TEX22: variants seen among roughly 807,000 people sequenced by gnomAD.
The protein encoded by TEX22 is testis-expressed protein 22.
TEX22 carries 16 observed loss-of-function variants against 11.3 expected under a neutral mutation model. The observed-to-expected ratio is 1.42, with a 90% CI of 0.96 to 2.15. The LOEUF is 2.15. TEX22 is among the 30% of genes most tolerant of loss of function. TEX22 has a pLI of 0.00. For synonymous variants in TEX22, 97 were observed against 92.3 expected, an observed-to-expected ratio of 1.05 and a Z score of -0.29; for missense variants, 220 against 208.6, an observed-to-expected ratio of 1.05 and a Z score of -0.34.
chr14:105,403,354 C>T (rs781527071), intron 2 of TEX22, among the ~76,000 whole-genome samples: 2 of 152,160 alleles, frequency 1.3e-5, no homozygotes, highest in African/African-American at 2.4e-5. Context: ...GTAGGCATTA[C>T]CAAGCTGCTT....
intron 2 of TEX22, 45 bp downstream of exon 2, chr14:105,399,535 G>T (rs1555418150): frequency 2.7e-6 from 4 of 1,484,698 alleles, no homozygotes; most frequent in Non-Finnish European, 3.6e-6. Context: ...CCTGTCCCCA[G>T]CCCGCCTGAG....
At position 105,411,696 on chromosome 14, in the gene TEX22, G is replaced by T. The variant is rs1555419413; in HGVS notation, c.316G>T (p.Asp106Tyr). The T allele has an allele frequency of 6.5e-7, 1 of 1,531,430 alleles. No individual in the cohort carries two copies. Among genetic ancestry groups the T allele is most frequent in the Non-Finnish European group, 8.7e-7 (1 of 1,144,602 alleles). The allele number at this position is 1,531,430 out of a possible 1,614,324, so 94.9% of individuals were successfully genotyped here. ...VQMVAQLVSE[D>Y]VDKDVLLPHP... Reference sequence around the variant, plus strand: ...GATGGTAGCCCAGCTGGTGTCGGAGGACGTGGACAAGGACGTGCTCCTTCC... The same window carrying T: ...GATGGTAGCCCAGCTGGTGTCGGAGTACGTGGACAAGGACGTGCTCCTTCC... The change falls in exon 4 of 4, where the codon GAC (aspartate) becomes TAC (tyrosine). Residue 106 changes from aspartate to tyrosine, a missense_variant. Coordinates refer to ENST00000451127, the MANE Select transcript of TEX22 (RefSeq NM_001195082.2).
intron 2 of TEX22, among the ~76,000 whole-genome samples, chr14:105,405,907 C>T (rs1160652057): frequency 2.6e-5 from 4 of 152,238 alleles, no homozygotes; most frequent in Non-Finnish European, 5.9e-5. Flanking sequence ...GCTCCAACAA[C>T]TAAAACTGTG....
intron 2 of TEX22, among the ~76,000 whole-genome samples, chr14:105,409,775 TTC>T (rs202073273): frequency 6.7e-6 from 1 of 150,100 alleles, no homozygotes; most frequent in African/African-American, 2.5e-5. Context: ...TTCTTTTTCT[TTC>T]TCTCTCTCTT....
chr14:105,411,958 GC>G lies in TEX22; in HGVS notation c.*127del. On this transcript the variant is annotated 3_prime_UTR_variant, in exon 4 of 4. Coordinates refer to ENST00000451127, the MANE Select transcript of TEX22 (RefSeq NM_001195082.2). ...CCACCCACCCATGTTAGGAAAACAG[GC>G]CAGGCAGGACCTGGCTCCGGACAGC... 9.8e-7 allele frequency: 1 copy of G among 1,022,274 alleles called. No homozygotes were observed. Among genetic ancestry groups the G allele is most frequent in the Non-Finnish European group, 1.3e-6 (1 of 746,002 alleles). 63.3% of individuals were successfully genotyped at this position (1,022,274 alleles called of 1,614,324 possible). A position where few individuals can be genotyped will look rare whatever the true frequency, so the allele number is the denominator to read the frequency against.
At chr14:105,410,013 C>T (rs1438828501) in intron 2 of TEX22, among the ~76,000 whole-genome samples, 1 of 152,156 alleles carries the variant, frequency 6.6e-6, no homozygotes, top group Non-Finnish European at 1.5e-5. Flanking sequence ...AAGCGATCCT[C>T]CTGCCTTGGG....
chr14:105,406,008 G>A (rs1320550735), intron 2 of TEX22, among the ~76,000 whole-genome samples: 2 of 152,194 alleles, frequency 1.3e-5, no homozygotes, highest in South Asian at 2.1e-4. Flanking sequence ...TTTAATTTAT[G>A]TTGAGCATGG....
At chr14:105,410,522 C>T (rs2081684018) in intron 2 of TEX22, among the ~76,000 whole-genome samples, 1 of 152,236 alleles carries the variant, frequency 6.6e-6, no homozygotes, top group East Asian at 1.9e-4. Flanking sequence ...GGAGTGCGCA[C>T]ATCTGTTTGC....
At chr14:105,402,723 T>C (rs1407886254) in intron 2 of TEX22, among the ~76,000 whole-genome samples, 1 of 138,888 alleles carries the variant, frequency 7.2e-6, no homozygotes, top group Non-Finnish European at 1.5e-5. Flanking sequence ...GCTACTGCAC[T>C]CCAGCCTGGG....
intron 2 of TEX22, among the ~76,000 whole-genome samples, chr14:105,403,915 C>G (rs1595219682): frequency 6.6e-6 from 1 of 152,230 alleles, no homozygotes; most frequent in Non-Finnish European, 1.5e-5. Flanking sequence ...TAACTCCTGG[C>G]CTTCCTAAGA....
chr14:105,412,490 G>A lies in TEX22; in HGVS notation c.*657G>A, dbSNP rs1159337502. ...GCCAAGAGGGTATCCTGCGCAGGGG[G>A]TCTGAGCAACTGTGAGGAGCTGGCT... On this transcript the variant is annotated 3_prime_UTR_variant, in exon 4 of 4. Coordinates refer to ENST00000451127, the MANE Select transcript of TEX22 (RefSeq NM_001195082.2). The surrounding 1 kb of genome is among the most constrained non-coding windows in gnomAD (Gnocchi z 5.8). 1.3e-5 allele frequency: 2 copies of A among 152,398 alleles called. No individual in the cohort carries two copies. Among genetic ancestry groups the A allele is most frequent in the African/African-American group, 4.8e-5 (2 of 41,424 alleles). 9.4% of individuals were successfully genotyped at this position (152,398 alleles called of 1,614,324 possible).
In TEX22 at chr14:105,400,430, G is replaced by A. The variant is rs587665430; in HGVS notation, c.150+940G>A. The stretch of plus-strand genomic sequence containing the variant: ...GCGAACATCTCATGACAGGCAATCC[G>A]GACTATAAATACACATAGGTCACCT... On this transcript the variant is annotated intron_variant, in intron 2 of 3. Coordinates refer to ENST00000451127, the MANE Select transcript of TEX22 (RefSeq NM_001195082.2). Among the ~76,000 whole-genome samples the A allele has an allele frequency of 1.2e-4, 19 of 152,266 alleles. No individual in the cohort carries two copies. The South Asian group carries it at 2.9e-3, about 23-fold the overall frequency.
Position 105,411,489 on chromosome 14 carries a change from A to C in TEX22, c.272A>C (p.His91Pro), listed in dbSNP as rs978359216. 8.0e-6 allele frequency: 10 copies of C among 1,250,208 alleles called. No individual in the cohort carries two copies. The East Asian group carries it at 1.6e-4, about 20-fold the overall frequency. 77.4% of individuals were successfully genotyped at this position (1,250,208 alleles called of 1,614,324 possible). ...CCGGGCGCCGCCGGGACCCAGCTGC[A>C]CTGCAGGGTGCGCGGGGGGCGGGTC... ...ERPGAAGTQL[H>P]CRDVVQMVAQ... The change falls in exon 3 of 4, where the codon CAC becomes CCC. Residue 91 changes from histidine to proline, a missense_variant. Physicochemically the swap from His to Pro is moderately conservative, Grantham distance 77. Transcript: ENST00000451127.
intron 1 of TEX22, 30 bp from the exon 2 acceptor site, chr14:105,399,268 GCCCC>G: frequency 7.9e-7 from 1 of 1,272,368 alleles, no homozygotes. Context: ...GGCCTTGTGG[GCCCC>G]GCCCCACCTC....
At chr14:105,411,613 T>C in intron 3 of TEX22, 47 bp from the exon 4 acceptor site, 1 of 1,381,908 alleles carries the variant, frequency 7.2e-7, no homozygotes. Context: ...GCCCCGCCGT[T>C]GTCCCCTTCC....
At chr14:105,402,526 G>C (rs112477525) in intron 2 of TEX22, among the ~76,000 whole-genome samples, 1 of 151,762 alleles carries the variant, frequency 6.6e-6, no homozygotes, top group East Asian at 1.9e-4. Flanking sequence ...AGGCTGGGGC[G>C]GGCAGATCAC....
chr14:105,412,842 G>T lies in TEX22; in HGVS notation c.*1009G>T. 6.6e-6 allele frequency: 1 copy of T among 152,330 alleles called. No homozygotes were observed. 9.4% of individuals were successfully genotyped at this position (152,330 alleles called of 1,614,324 possible). On this transcript the variant is annotated 3_prime_UTR_variant, in exon 4 of 4. Transcript: ENST00000451127. The surrounding 1 kb of genome is among the most constrained non-coding windows in gnomAD (Gnocchi z 5.8). ...GGGCTCCAGGTGAGGGCAGGAGCTG[G>T]ACCTGTGCGGTGGCCTGGACCACCA... is the stretch of plus-strand genomic sequence containing the variant.
At position 105,411,825 on chromosome 14, in the gene TEX22, C is replaced by G; in HGVS notation, c.445C>G (p.Pro149Ala). ...NATFEASRSP[P>A]S ...GACTTTCGAGGCCTCGAGGTCACCC[C>G]CTTCCTAAGAGCCCCATTCAGCCCA... Residue 149 changes from proline to alanine, a missense_variant, in exon 4 of 4, where the codon CCT becomes GCT. Physicochemically the swap from Pro to Ala is conservative, Grantham distance 27. Transcript: ENST00000451127. 3 of 1,422,956 alleles carry G rather than the reference C, an allele frequency of 2.1e-6. No individual in the cohort carries two copies. The highest frequency in any genetic ancestry group is 2.8e-5 in the South Asian group (2 of 72,416). 88.1% of individuals were successfully genotyped at this position (1,422,956 alleles called of 1,614,324 possible). A position where few individuals can be genotyped will look rare whatever the true frequency, so the allele number is the denominator to read the frequency against.
chr14:105,411,257 C>T, intron 2 of TEX22, 111 bp from the exon 3 acceptor site: 1 of 1,148,106 alleles, frequency 8.7e-7, no homozygotes, highest in South Asian at 3.6e-5. Context: ...GAGCAGACGG[C>T]GCTTTAGAAA....
Sources: allele counts gnomAD v4.1 joint callset (sites outside exome capture counted in the v4.1 genomes callset), GRCh38; gene constraint gnomAD v4.1.1; non-coding constraint Gnocchi (gnomAD v3.1); transcripts MANE v1.5; gene names NCBI Gene and HGNC (gene_info 2026-07-23, HGNC 2026-07-21).